LIMS2: variants seen among roughly 807,000 people sequenced by gnomAD.
LIMS2 encodes the protein LIM and senescent cell antigen-like-containing domain protein 2.
In LIMS2, 30 loss-of-function variants were observed where a neutral mutation model predicts 45.3. That is an observed-to-expected ratio of 0.66 (90% confidence interval 0.50 to 0.90). The LOEUF (loss-of-function observed/expected upper bound fraction) is 0.90. LIMS2 is among the 40% of genes least tolerant of loss of function. The pLI is 0.00. For synonymous variants in LIMS2, 173 were observed against 188.0 expected (o/e 0.92, Z 0.65); for missense variants, 485 against 468.7 (o/e 1.03, Z -0.32).
chr2:127,653,307 T>G lies in LIMS2; in HGVS notation c.359+1117A>C, dbSNP rs1455480908. Among the ~76,000 whole-genome samples the G allele has an allele frequency of 1.3e-5, 2 of 152,032 alleles. No homozygotes were observed. Among genetic ancestry groups the G allele is most frequent in the African/African-American group, 2.4e-5 (1 of 41,404 alleles). On this transcript the variant is annotated intron_variant, in intron 4 of 9. Transcript: ENST00000355119. The surrounding 1 kb of genome is among the most constrained non-coding windows in gnomAD (Gnocchi z 5.3). The stretch of plus-strand genomic sequence containing the variant: ...GGGGCCTCTGGGGGTCGGCGCTGCC[T>G]CTCACTGATACAGGGGACGCATGCA...
At chr2:127,639,563 G>C in intron 9 of LIMS2, 135 bp from the exon 10 acceptor site, 1 of 1,051,182 alleles carries the variant, frequency 9.5e-7, no homozygotes, top group Non-Finnish European at 1.4e-6. Context: ...CCAGGCCCTA[G>C]GGTGAGATGG....
rs1401797619 is a variant in LIMS2 at position 127,655,055 on chromosome 2, G to A, written c.172-159C>T. 6.9e-6 allele frequency: 5 copies of A among 723,492 alleles called. No homozygotes were observed. In the East Asian group the frequency reaches 8.1e-5, roughly 12 times the overall value. The allele number at this position is 723,492 out of a possible 1,614,324, so 44.8% of individuals were successfully genotyped here. A position where few individuals can be genotyped will look rare whatever the true frequency, so the allele number is the denominator to read the frequency against. On this transcript the variant is annotated intron_variant, in intron 2 of 9. Coordinates refer to ENST00000355119, the MANE Select transcript of LIMS2 (RefSeq NM_001161403.3). ...GCAGTGGGTCCCAGGCCTGGCCAGA[G>A]AGGACACTGGCCCTTTTGGGATGGT...
chr2:127,665,396 C>T (rs534279087), intron 1 of LIMS2, among the ~76,000 whole-genome samples: 2 of 152,228 alleles, frequency 1.3e-5, no homozygotes, highest in South Asian at 4.1e-4. Context: ...CATTCAGATA[C>T]CAGGCCCACA....
exon 1 of LIMS2, chr2:127,681,497 C>T (rs1280933734): frequency 6.6e-6 from 1 of 152,626 alleles, no homozygotes; most frequent in Non-Finnish European, 1.5e-5. Context: ...AGCTTCACCT[C>T]TCCCTGGGCA....
At position 127,675,119 on chromosome 2, in the gene LIMS2, G is replaced by A. The variant is rs867927347; in HGVS notation, c.-95C>T. 175 of 1,167,340 alleles carry A rather than the reference G, an allele frequency of 1.5e-4. 1 individual carries two copies. The African/African-American group carries it at 2.5e-3, about 16-fold the overall frequency. 72.3% of individuals were successfully genotyped at this position (1,167,340 alleles called of 1,614,324 possible). Reference sequence around the variant, plus strand: ...GCCGAGCGCCCGCCCGCCAGCCCGGGCCGCGGAGCAGGGAGACGCCCAAAA... The same window carrying A: ...GCCGAGCGCCCGCCCGCCAGCCCGGACCGCGGAGCAGGGAGACGCCCAAAA... On this transcript the variant is annotated 5_prime_UTR_variant, in exon 1 of 10. Transcript: ENST00000355119.
At chr2:127,645,013 T>A (rs114293350) in intron 4 of LIMS2, among the ~76,000 whole-genome samples, 2,038 of 152,306 alleles carry the variant, frequency 0.013, 42 homozygotes, top group African/African-American at 0.045. Flanking sequence ...AGAATTCTTT[T>A]TCAGGTTGAA....
In LIMS2 at chr2:127,664,440, G is replaced by C; in HGVS notation, c.12-6878C>G. On this transcript the variant is annotated intron_variant, in intron 1 of 9. Transcript: ENST00000355119. The surrounding 1 kb of genome is among the most constrained non-coding windows in gnomAD (Gnocchi z 5.5). ...CGGGCGCGGGCCGCCTGGTGCAGGG[G>C]CTATGGGACCACCTCGGAGGGGAGG... 1.7e-6 allele frequency: 2 copies of C among 1,189,376 alleles called. No homozygotes were observed. The highest frequency in any genetic ancestry group is 1.6e-5 in the African/African-American group (1 of 62,798). 73.7% of individuals were successfully genotyped at this position (1,189,376 alleles called of 1,614,324 possible).
upstream of LIMS2, among the ~76,000 whole-genome samples, chr2:127,676,867 G>T (rs1685514767): frequency 6.6e-6 from 1 of 152,192 alleles, no homozygotes; most frequent in African/African-American, 2.4e-5. Flanking sequence ...GAATATCAGG[G>T]TCTTGTGGGA....
chr2:127,646,909 A>G (rs1683050802), intron 4 of LIMS2, among the ~76,000 whole-genome samples: 1 of 152,240 alleles, frequency 6.6e-6, no homozygotes, highest in African/African-American at 2.4e-5. Context: ...GAACTCCTCA[A>G]ACGGGGGACA....
upstream of LIMS2, among the ~76,000 whole-genome samples, chr2:127,679,467 G>A (rs1177946864): frequency 2.0e-4 from 31 of 152,102 alleles, no homozygotes; most frequent in South Asian, 2.1e-4. This position sits in a 1 kb window ranked among gnomAD's most constrained non-coding sequence, Gnocchi z 5.3. Context: ...CTCTGAGGCT[G>A]AGGCTGGGCC....
In LIMS2 at chr2:127,654,917, G is replaced by C. The variant is rs373538106; in HGVS notation, c.172-21C>G. ...TCAAACTGCAAAGGGGTCGCAGAGA[G>C]AGGACAAGCAAACCACCTATCATCC... On this transcript the variant is annotated intron_variant, in intron 2 of 9. Coordinates refer to ENST00000355119, the MANE Select transcript of LIMS2 (RefSeq NM_001161403.3). 6.1e-5 allele frequency: 98 copies of C among 1,611,244 alleles called. No individual in the cohort carries two copies. The African/African-American group carries it at 1.3e-3, about 21-fold the overall frequency.
In LIMS2 at chr2:127,669,730, T is replaced by A. The variant is rs1022390968; in HGVS notation, c.11+5284A>T. On this transcript the variant is annotated intron_variant, in intron 1 of 9. Coordinates refer to ENST00000355119, the MANE Select transcript of LIMS2 (RefSeq NM_001161403.3). ...GAGACTCCATCTTAAAAAAAAAAAA[T>A]TTGCAAATCATATGTCTGAGAAGTG... Among the ~76,000 whole-genome samples, 7 of 148,080 alleles carry A rather than the reference T, an allele frequency of 4.7e-5. No homozygotes were observed. In the East Asian group the frequency reaches 5.9e-4, roughly 13 times the overall value.
chr2:127,640,017 C>A, intron 9 of LIMS2, 53 bp downstream of exon 9: 2 of 1,567,050 alleles, frequency 1.3e-6, no homozygotes, highest in Middle Eastern at 1.7e-4. Flanking sequence ...AGAGGAAGGA[C>A]CTGCAGGAGC....
intron 1 of LIMS2, chr2:127,674,775 C>G: frequency 1.0e-6 from 1 of 985,398 alleles, no homozygotes; most frequent in East Asian, 1.1e-4. Flanking sequence ...CATCTTGCAG[C>G]GGGCGGGTGG....
chr2:127,666,629 A>T (rs1685015351), intron 1 of LIMS2, among the ~76,000 whole-genome samples: 1 of 138,230 alleles, frequency 7.2e-6, no homozygotes, highest in African/African-American at 2.9e-5. Flanking sequence ...CAAATGTATC[A>T]GTCTAAATTT....
chr2:127,680,107 C>A (rs1035658105), upstream of LIMS2, among the ~76,000 whole-genome samples: 1 of 152,204 alleles, frequency 6.6e-6, no homozygotes. Flanking sequence ...CCGCCTCCTG[C>A]GAGACCAAAG....
At chr2:127,674,442 G>A (rs559573047) in intron 1 of LIMS2, 52 of 182,514 alleles carry the variant, frequency 2.8e-4, no homozygotes, top group Non-Finnish European at 3.9e-4. Flanking sequence ...GCAACGAGGG[G>A]CCTGAGAGCA....
chr2:127,641,041 G>A lies in LIMS2; in HGVS notation c.661-53C>T, dbSNP rs1180223368. On this transcript the variant is annotated intron_variant, in intron 6 of 9. Transcript: ENST00000355119. ...GCATCAGGGCTAGAGCGGTGACCCC[G>A]AGGGACAGTGGTGACCCGGGGACAA... 4.6e-5 allele frequency: 68 copies of A among 1,475,764 alleles called. 1 individual carries two copies. The South Asian group carries it at 6.9e-4, about 15-fold the overall frequency. The allele number at this position is 1,475,764 out of a possible 1,614,324, so 91.4% of individuals were successfully genotyped here.
At chr2:127,662,826 C>G (rs567583565) in intron 1 of LIMS2, among the ~76,000 whole-genome samples, 1 of 152,270 alleles carries the variant, frequency 6.6e-6, no homozygotes, top group Non-Finnish European at 1.5e-5. Context: ...AATTAACATG[C>G]TGCCTGGGCT....
Sources: gnomAD v4.1 joint callset for allele counts (sites outside exome capture counted in the v4.1 genomes callset) on GRCh38, gnomAD v4.1.1 for gene constraint, Gnocchi (gnomAD v3.1) non-coding constraint, MANE v1.5 for transcripts, NCBI Gene and HGNC (gene_info 2026-07-23, HGNC 2026-07-21) for gene names.